Variants in RFWD3 observed in about 807,000 individuals in gnomAD.
RFWD3 encodes E3 ubiquitin-protein ligase RFWD3.
RFWD3 carries 65 observed loss-of-function variants against 87.7 expected under a neutral mutation model. That is an observed-to-expected ratio of 0.74 (90% CI 0.61 to 0.91). The LOEUF is 0.91. RFWD3 is among the 40% of genes least tolerant of loss of function. The probability of loss-of-function intolerance (pLI) is 0.00; values close to 1 mark genes in which losing one functional copy is unlikely to be tolerated. For missense variants in RFWD3, 1,078 were observed against 938.5 expected, an observed-to-expected ratio of 1.15 and a Z score of -1.94; for synonymous variants, 433 against 352.8, an observed-to-expected ratio of 1.23 and a Z score of -2.55.
At chr16:74,624,933 GA>G (rs1409368080) in intron 12 of RFWD3, among the ~76,000 whole-genome samples, 1 of 152,126 alleles carries the variant, frequency 6.6e-6, no homozygotes, top group East Asian at 1.9e-4. Flanking sequence ...AGGCTACAGT[GA>G]ACCATGATTG....
rs1395499467 is a variant in RFWD3 at position 74,666,804 on chromosome 16, G to A, written c.-21C>T. On this transcript the variant is annotated 5_prime_UTR_variant, in exon 1 of 13. Coordinates refer to ENST00000361070, the MANE Select transcript of RFWD3 (RefSeq NM_018124.4). ...TCCTCACCTGAAACCAGCAGGCCGCGGCCGGGCTCGCGAGCCCGCCGAAGA... is the reference window on the plus strand; with the variant it reads ...TCCTCACCTGAAACCAGCAGGCCGCAGCCGGGCTCGCGAGCCCGCCGAAGA... 2 of 152,408 alleles carry A rather than the reference G, an allele frequency of 1.3e-5. No individual in the cohort carries two copies. The highest frequency in any genetic ancestry group is 2.4e-5 in the African/African-American group (1 of 41,470). 9.4% of individuals were successfully genotyped at this position (152,408 alleles called of 1,614,324 possible).
At chr16:74,653,739 T>C (rs1401822245) in intron 2 of RFWD3, among the ~76,000 whole-genome samples, 1 of 152,192 alleles carries the variant, frequency 6.6e-6, no homozygotes, top group Non-Finnish European at 1.5e-5. Flanking sequence ...AAATAAAATA[T>C]TGATTATTAC....
At chr16:74,627,766 A>G (rs1361784260) in intron 11 of RFWD3, among the ~76,000 whole-genome samples, 1 of 152,200 alleles carries the variant, frequency 6.6e-6, no homozygotes, top group Non-Finnish European at 1.5e-5. Flanking sequence ...GTATCCTGTG[A>G]AAGGCAAACT....
chr16:74,648,995 T>A (rs1960376785), intron 4 of RFWD3, 137 bp downstream of exon 4: 1 of 451,610 alleles, frequency 2.2e-6, no homozygotes. Flanking sequence ...AGTGGGAGGA[T>A]CCTTTGAGCC....
intron 2 of RFWD3, among the ~76,000 whole-genome samples, chr16:74,652,508 A>T (rs1025927050): frequency 1.3e-5 from 2 of 152,158 alleles, no homozygotes; most frequent in African/African-American, 2.4e-5. Context: ...GCCTCATGGG[A>T]TTTTGCTATT....
chr16:74,637,865 C>T lies in RFWD3; in HGVS notation c.1185G>A (p.Arg395=). ...VLTDKCTRLQ[R]RVQDLQKLTS... is the part of the protein sequence containing the mutation. ...GAAAGGACAAACGTACCTGAACACG[C>T]CTTTGAAGCCTAGTGCACTTATCAG... The change falls in exon 7 of 13, where the codon AGG becomes AGA. Residue 395 remains arginine (R), a synonymous_variant. Coordinates refer to ENST00000361070, the MANE Select transcript of RFWD3 (RefSeq NM_018124.4). The T allele has an allele frequency of 6.2e-7, 1 of 1,611,900 alleles. No individual in the cohort carries two copies. Among genetic ancestry groups the T allele is most frequent in the East Asian group, 2.2e-5 (1 of 44,842 alleles).
intron 6 of RFWD3, among the ~76,000 whole-genome samples, chr16:74,643,330 C>T (rs148234796): frequency 6.6e-6 from 1 of 152,254 alleles, no homozygotes; most frequent in East Asian, 1.9e-4. Flanking sequence ...AACATGCTTC[C>T]ACAGGACAAC....
chr16:74,633,439 G>A lies in RFWD3; in HGVS notation c.1427-766C>T, dbSNP rs551647181. Among the ~76,000 whole-genome samples the A allele has an allele frequency of 2.4e-4, 36 of 151,132 alleles. No homozygotes were observed. The South Asian group carries it at 5.8e-3, about 24-fold the overall frequency. ...ATAAACATGTGATGGAATACCACCC[G>A]TTAAAAAGGAATTAACTACTAATAT... On this transcript the variant is annotated intron_variant, in intron 8 of 12. Transcript: ENST00000361070.
At chr16:74,662,440 T>A (rs1961522205) in intron 1 of RFWD3, among the ~76,000 whole-genome samples, 1 of 152,176 alleles carries the variant, frequency 6.6e-6, no homozygotes. Flanking sequence ...ACCCCATGTA[T>A]CAGAGTTTAG....
At chr16:74,643,414 T>C (rs11861764) in intron 6 of RFWD3, among the ~76,000 whole-genome samples, 1,664 of 152,336 alleles carry the variant, frequency 0.011, 24 homozygotes, top group African/African-American at 0.038. Flanking sequence ...CCCCTTGCCT[T>C]AGATTTTTAA....
Position 74,630,820 on chromosome 16 carries a change from G to C in RFWD3, c.1715C>G (p.Thr572Arg). ...TACTAACTCCTGCACATGACTGCTC[G>C]TGTTTCGCACGTCATATACCAGAAT... ...GSILVYDVRN[T>R]SSHVQELVAQ... Residue 572 changes from threonine (T) to arginine (R), a missense_variant, in exon 10 of 13, where the codon ACG (threonine) becomes AGG (arginine). Physicochemically the swap from Thr to Arg is moderately conservative, Grantham distance 71 (BLOSUM62 -1). Coordinates refer to ENST00000361070, the MANE Select transcript of RFWD3 (RefSeq NM_018124.4). The C allele has an allele frequency of 6.2e-7, 1 of 1,612,714 alleles. No homozygotes were observed. Among genetic ancestry groups the C allele is most frequent in the East Asian group, 2.2e-5 (1 of 44,720 alleles).
At chr16:74,631,454 C>T (rs1458955746) in intron 9 of RFWD3, among the ~76,000 whole-genome samples, 2 of 76,560 alleles carry the variant, frequency 2.6e-5, no homozygotes, top group Non-Finnish European at 5.0e-5. Context: ...GCCTGGGTGA[C>T]AGAGTGAGAC....
intron 6 of RFWD3, among the ~76,000 whole-genome samples, chr16:74,642,979 T>C (rs1959790213): frequency 6.6e-6 from 1 of 152,200 alleles, no homozygotes; most frequent in Non-Finnish European, 1.5e-5. Flanking sequence ...TAATCACCCA[T>C]TACAGCCACA....
At chr16:74,635,110 C>G (rs967809724) in intron 8 of RFWD3, among the ~76,000 whole-genome samples, 1 of 151,970 alleles carries the variant, frequency 6.6e-6, no homozygotes, top group Non-Finnish European at 1.5e-5. Context: ...GAAACTCCGT[C>G]TCTTCTAAAA....
intron 1 of RFWD3, 101 bp downstream of exon 1, chr16:74,666,685 C>T (rs1431775092): frequency 6.6e-6 from 1 of 152,342 alleles, no homozygotes; most frequent in African/African-American, 2.4e-5. Flanking sequence ...CAGCCCACCT[C>T]GTGGGGTGTC....
At chr16:74,646,994 G>A (rs147552508) in intron 4 of RFWD3, among the ~76,000 whole-genome samples, 1 of 152,046 alleles carries the variant, frequency 6.6e-6, no homozygotes, top group Non-Finnish European at 1.5e-5. Flanking sequence ...GGCTGAGGCA[G>A]GAGAATGGTG....
At chr16:74,651,093 G>C (rs887231005) in intron 3 of RFWD3, among the ~76,000 whole-genome samples, 1 of 152,140 alleles carries the variant, frequency 6.6e-6, no homozygotes, top group Non-Finnish European at 1.5e-5. Context: ...GATTTTCATT[G>C]ATTTATTATA....
Position 74,626,392 on chromosome 16 carries a change from T to G in RFWD3, c.2132A>C (p.Asp711Ala). 1 of 1,614,224 alleles carries G rather than the reference T, an allele frequency of 6.2e-7. No individual in the cohort carries two copies. The highest frequency in any genetic ancestry group is 1.1e-5 in the South Asian group (1 of 91,092). ...KNAIFQSPEN[D>A]GNILVCTGDE... ...CCCAGTACACACCAGGATGTTGCCA[T>G]CATTCTCTGGGCTTTGGAAAATGGC... Residue 711 changes from aspartate (D) to alanine (A), a missense_variant, in exon 12 of 13, where the codon GAT (aspartate) becomes GCT (alanine). Coordinates refer to ENST00000361070, the MANE Select transcript of RFWD3 (RefSeq NM_018124.4).
At chr16:74,649,421 A>G (rs1212818285) in intron 3 of RFWD3, among the ~76,000 whole-genome samples, 3 of 152,218 alleles carry the variant, frequency 2.0e-5, no homozygotes, top group African/African-American at 7.2e-5. Flanking sequence ...AAGTACACAG[A>G]ACAGTATAGT....
Sources: gnomAD v4.1 joint callset for allele counts (sites outside exome capture counted in the v4.1 genomes callset) on GRCh38, gnomAD v4.1.1 for gene constraint, MANE v1.5 for transcripts, NCBI Gene and HGNC (gene_info 2026-07-23, HGNC 2026-07-21) for gene names.